UVRAG: variants seen among roughly 807,000 people sequenced by gnomAD.
UVRAG encodes UV radiation resistance-associated gene protein.
UVRAG carries 19 observed loss-of-function variants against 78.0 expected under a neutral mutation model. The observed-to-expected ratio is 0.24, with a 90% CI of 0.17 to 0.36. The LOEUF is 0.36. UVRAG is among the 10% of genes least tolerant of loss of function. The pLI, the probability that UVRAG is intolerant of heterozygous loss-of-function variation, is 1.00. For synonymous variants in UVRAG, 323 were observed against 324.6 expected (o/e 1.00, Z 0.05); for missense variants, 740 against 853.8 (o/e 0.87, Z 1.66).
chr11:75,825,884 T>C (rs1945499390), intron 1 of UVRAG, among the ~76,000 whole-genome samples: 1 of 152,012 alleles, frequency 6.6e-6, no homozygotes, highest in Non-Finnish European at 1.5e-5. Context: ...TCACCCAGGC[T>C]GGAGTACAGT....
chr11:75,983,112 GT>G (rs1389344359), intron 7 of UVRAG, among the ~76,000 whole-genome samples: 1 of 151,982 alleles, frequency 6.6e-6, no homozygotes, highest in Non-Finnish European at 1.5e-5. Context: ...TTATTGTATT[GT>G]ATTGTGGTAT....
chr11:75,980,452 C>T (rs958518125), intron 7 of UVRAG, among the ~76,000 whole-genome samples: 1 of 152,184 alleles, frequency 6.6e-6, no homozygotes, highest in African/African-American at 2.4e-5. Flanking sequence ...AGCCATGTGC[C>T]AATGTCCAGC....
At chr11:75,862,282 C>T (rs761439467) in intron 3 of UVRAG, among the ~76,000 whole-genome samples, 4 of 152,066 alleles carry the variant, frequency 2.6e-5, no homozygotes, top group Non-Finnish European at 4.4e-5. Context: ...TTTTATGCCT[C>T]GGGCTTTTGT....
chr11:76,107,573 C>T (rs1296863477), intron 13 of UVRAG, among the ~76,000 whole-genome samples: 2 of 152,126 alleles, frequency 1.3e-5, no homozygotes, highest in African/African-American at 2.4e-5. Context: ...AAGACTGGCA[C>T]GTGTTTATAG....
At chr11:75,905,060 GA>G (rs939905918) in intron 5 of UVRAG, among the ~76,000 whole-genome samples, 1 of 151,990 alleles carries the variant, frequency 6.6e-6, no homozygotes, top group African/African-American at 2.4e-5. Context: ...GGTGGGTGTG[GA>G]TAAATTTTTT....
At chr11:75,950,352 T>C (rs1432633908) in intron 6 of UVRAG, among the ~76,000 whole-genome samples, 1 of 152,196 alleles carries the variant, frequency 6.6e-6, no homozygotes, top group African/African-American at 2.4e-5. Flanking sequence ...CTCAAGCTCC[T>C]GAACTCAAGG....
chr11:76,103,537 G>GTTTTTT (rs11312309), intron 13 of UVRAG, among the ~76,000 whole-genome samples: 2 of 132,214 alleles, frequency 1.5e-5, no homozygotes, highest in African/African-American at 2.7e-5. Context: ...TGCTGTTTTG[G>GTTTTTT]TTTTTTTTTT....
At chr11:75,864,521 G>T (rs1254273177) in intron 3 of UVRAG, among the ~76,000 whole-genome samples, 1 of 152,238 alleles carries the variant, frequency 6.6e-6, no homozygotes, top group Non-Finnish European at 1.5e-5. Context: ...CTCTGAAGAA[G>T]CACTGCCAGG....
chr11:75,917,011 C>T (rs1045668876), intron 6 of UVRAG, among the ~76,000 whole-genome samples: 7 of 152,158 alleles, frequency 4.6e-5, no homozygotes, highest in Non-Finnish European at 1.0e-4. Context: ...AACCTTGTGA[C>T]CTCTGGGTGC....
At chr11:75,944,769 A>C (rs1948557069) in intron 6 of UVRAG, among the ~76,000 whole-genome samples, 1 of 152,158 alleles carries the variant, frequency 6.6e-6, no homozygotes, top group South Asian at 2.1e-4. Context: ...GGAAAGATAG[A>C]ATTATATTCA....
chr11:75,834,991 G>A (rs1315662302), intron 1 of UVRAG, among the ~76,000 whole-genome samples: 1 of 151,894 alleles, frequency 6.6e-6, no homozygotes, highest in Non-Finnish European at 1.5e-5. Context: ...TGTTTAATAG[G>A]GAAAAAAAGA....
chr11:76,035,986 C>CA (rs2087851371), intron 12 of UVRAG, among the ~76,000 whole-genome samples: 1 of 152,004 alleles, frequency 6.6e-6, no homozygotes, highest in Non-Finnish European at 1.5e-5. Flanking sequence ...TGATTTTAAG[C>CA]AAAAATAAGG....
intron 12 of UVRAG, among the ~76,000 whole-genome samples, chr11:76,025,748 A>C (rs1950315758): frequency 6.6e-6 from 1 of 152,164 alleles, no homozygotes; most frequent in African/African-American, 2.4e-5. Context: ...AAAATCAGAT[A>C]ATATTGGGCC....
intron 5 of UVRAG, among the ~76,000 whole-genome samples, chr11:75,905,338 G>A (rs1379720023): frequency 6.6e-6 from 1 of 152,142 alleles, no homozygotes; most frequent in African/African-American, 2.4e-5. Flanking sequence ...GTGCAATTCA[G>A]TGGCTCTGGG....
At chr11:76,108,439 G>A (rs75427998) in intron 13 of UVRAG, among the ~76,000 whole-genome samples, 10,064 of 152,256 alleles carry the variant, frequency 0.066, 617 homozygotes, top group African/African-American at 0.17. Flanking sequence ...CTCCAGAGCT[G>A]CAAGTGGTCT....
Position 76,075,641 on chromosome 11 carries a change from G to A in UVRAG, c.1305+9853G>A, listed in dbSNP as rs572907143. On this transcript the variant is annotated intron_variant, in intron 13 of 14. Transcript: ENST00000356136. ...AAAAAAAAAAGTATATAGTTCAGTG[G>A]CTTTTAATATATTCACCAAATTGTG... Among the ~76,000 whole-genome samples the A allele has an allele frequency of 3.9e-5, 6 of 152,022 alleles. No homozygotes were observed. The South Asian group carries it at 1.0e-3, about 26-fold the overall frequency.
intron 6 of UVRAG, among the ~76,000 whole-genome samples, chr11:75,949,709 A>G (rs1948648448): frequency 6.9e-6 from 1 of 144,236 alleles, no homozygotes; most frequent in Non-Finnish European, 1.5e-5. Flanking sequence ...ATATATATAT[A>G]TATATACACA....
intron 5 of UVRAG, chr11:75,911,725 C>G: frequency 2.6e-6 from 1 of 379,742 alleles, no homozygotes; most frequent in Non-Finnish European, 4.8e-6. Context: ...TGGGCGCGCT[C>G]CTTCTCCACT....
chr11:76,092,537 G>A (rs1247657377), intron 13 of UVRAG, among the ~76,000 whole-genome samples: 1 of 152,166 alleles, frequency 6.6e-6, no homozygotes, highest in East Asian at 1.9e-4. Flanking sequence ...ATTCTAATTG[G>A]CGTGAGATGG....
Sources: allele counts gnomAD v4.1 joint callset (sites outside exome capture counted in the v4.1 genomes callset), GRCh38; gene constraint gnomAD v4.1.1; transcripts MANE v1.5; gene names NCBI Gene and HGNC (gene_info 2026-07-23, HGNC 2026-07-21).